PDE1C: variants seen among roughly 807,000 people sequenced by gnomAD.
PDE1C encodes dual specificity calcium/calmodulin-dependent 3',5'-cyclic nucleotide phosphodiesterase 1C.
In PDE1C, 62 loss-of-function variants were observed where a neutral mutation model predicts 93.1. The observed-to-expected ratio is 0.67, with a 90% CI of 0.54 to 0.82. PDE1C has a LOEUF of 0.82. PDE1C is among the 40% of genes least tolerant of loss of function. PDE1C has a pLI of 0.00. For missense variants in PDE1C, 742 were observed against 884.6 expected (o/e 0.84, Z 2.04); for synonymous variants, 325 against 310.1 (o/e 1.05, Z -0.50).
chr7:31,678,544 C>A, the PDE1C span, among the ~76,000 whole-genome samples: 3 of 152,040 alleles, frequency 2.0e-5, no homozygotes, highest in Non-Finnish European at 2.9e-5. Flanking sequence ...AAGGATGAGA[C>A]AAAGGAAAGG....
chr7:32,142,347 G>A (rs983761826), intron 3 of PDE1C, among the ~76,000 whole-genome samples: 6 of 152,034 alleles, frequency 3.9e-5, no homozygotes, highest in Admixed American at 2.0e-4. Flanking sequence ...AGTGCAGTGC[G>A]GCCTGTGCAC....
chr7:31,662,554 T>C, the PDE1C span, among the ~76,000 whole-genome samples: 32 of 151,420 alleles, frequency 2.1e-4, no homozygotes, highest in African/African-American at 7.3e-4. Context: ...GTCTGTGTTG[T>C]ATAAGTGTAT....
chr7:31,658,232 G>A, the PDE1C span: 126 of 1,462,846 alleles, frequency 8.6e-5, no homozygotes, highest in Non-Finnish European at 1.1e-4. Flanking sequence ...GAAAAATGTT[G>A]CATTAGGTTT....
At chr7:31,970,397 G>A (rs564022421) in intron 2 of PDE1C, among the ~76,000 whole-genome samples, 2 of 152,286 alleles carry the variant, frequency 1.3e-5, no homozygotes, top group African/African-American at 2.4e-5. Context: ...AGTCTCGGGC[G>A]GAGGGAGGAA....
chr7:31,949,390 G>A (rs1433003516), intron 2 of PDE1C, among the ~76,000 whole-genome samples: 2 of 152,146 alleles, frequency 1.3e-5, no homozygotes, highest in South Asian at 2.1e-4. Context: ...AACCTGGGAG[G>A]TGAAGGTTGC....
chr7:32,003,089 G>A (rs1346544664), intron 2 of PDE1C, among the ~76,000 whole-genome samples: 1 of 152,168 alleles, frequency 6.6e-6, no homozygotes, highest in Non-Finnish European at 1.5e-5. Flanking sequence ...GTTTAAGCCT[G>A]CACATTTGAG....
the PDE1C span, among the ~76,000 whole-genome samples, chr7:31,618,637 G>T: frequency 2.0e-5 from 3 of 152,158 alleles, no homozygotes; most frequent in Non-Finnish European, 4.4e-5. Context: ...CATTAATGGG[G>T]TCACAATGTA....
At position 32,001,920 on chromosome 7, in the gene PDE1C, G is replaced by A. The variant is rs184500407; in HGVS notation, c.128+49634C>T. ...ACTAAAATACAAAAATTAGCTGAGC[G>A]TTGTGGCAGGTTCCTGTAATCCCAG... is the stretch of plus-strand genomic sequence containing the variant. On this transcript the variant is annotated intron_variant, in intron 2 of 17. Coordinates refer to ENST00000396191, the MANE Select transcript of PDE1C (RefSeq NM_001191057.4). 3.5e-4 allele frequency among the ~76,000 whole-genome samples: 54 copies of A among 152,220 alleles called. 1 individual carries two copies. Among genetic ancestry groups the A allele is most frequent in the African/African-American group, 1.2e-3 (49 of 41,542 alleles).
intron 3 of PDE1C, among the ~76,000 whole-genome samples, chr7:32,150,626 G>C (rs574819382): frequency 6.6e-6 from 1 of 152,310 alleles, no homozygotes; most frequent in South Asian, 2.1e-4. Context: ...TCAAAATCCA[G>C]CTCCACCACT....
chr7:31,919,816 C>T (rs1029892496), intron 2 of PDE1C, among the ~76,000 whole-genome samples: 5 of 152,178 alleles, frequency 3.3e-5, no homozygotes, highest in African/African-American at 7.2e-5. Context: ...AGTGTTGAAA[C>T]CCCAGGTTGC....
chr7:32,168,841 C>T (rs1802467279), intron 3 of PDE1C, among the ~76,000 whole-genome samples: 1 of 152,180 alleles, frequency 6.6e-6, no homozygotes, highest in Non-Finnish European at 1.5e-5. Context: ...TGAGCAATTA[C>T]ACATATCACC....
the PDE1C span, among the ~76,000 whole-genome samples, chr7:31,627,674 A>AAAAAAAAAAAAAAAAAAC: frequency 6.6e-6 from 1 of 151,496 alleles, no homozygotes; most frequent in Non-Finnish European, 1.5e-5. Flanking sequence ...AAAAAAAAAA[A>AAAAAAAAAAAAAAAAAAC]AAAAAAAAAT....
At chr7:31,773,712 AT>A (rs1387107180) in intron 17 of PDE1C, among the ~76,000 whole-genome samples, 2 of 152,180 alleles carry the variant, frequency 1.3e-5, no homozygotes, top group African/African-American at 4.8e-5. Context: ...CGTAAACTAA[AT>A]GGGAGGCTGC....
At chr7:32,170,146 A>G (rs1168703486) in intron 2 of PDE1C, among the ~76,000 whole-genome samples, 2 of 152,188 alleles carry the variant, frequency 1.3e-5, no homozygotes, top group African/African-American at 4.8e-5. Context: ...TACCACTCTG[A>G]GTATTTTGAC....
chr7:31,966,146 T>C (rs1809920417), intron 2 of PDE1C, among the ~76,000 whole-genome samples: 1 of 152,120 alleles, frequency 6.6e-6, no homozygotes, highest in Non-Finnish European at 1.5e-5. Context: ...ATATTCCAAT[T>C]AAAAGGCACA....
intron 1 of PDE1C, among the ~76,000 whole-genome samples, chr7:32,321,932 A>G (rs1178005663): frequency 1.3e-5 from 2 of 152,202 alleles, no homozygotes; most frequent in African/African-American, 4.8e-5. Context: ...TTAGCATGTA[A>G]TAAGTACATT....
At chr7:31,932,875 C>T (rs1804512659) in intron 2 of PDE1C, among the ~76,000 whole-genome samples, 1 of 152,120 alleles carries the variant, frequency 6.6e-6, no homozygotes, top group South Asian at 2.1e-4. Flanking sequence ...CCATGGAATA[C>T]TATGCAGCCA....
chr7:31,776,799 G>C (rs1269868308), intron 16 of PDE1C, among the ~76,000 whole-genome samples: 5 of 152,060 alleles, frequency 3.3e-5, no homozygotes, highest in South Asian at 2.1e-4. Context: ...GAAATGCAGA[G>C]AGAATTCCTC....
intron 2 of PDE1C, among the ~76,000 whole-genome samples, chr7:32,029,721 GT>G (rs1790025487): frequency 2.0e-5 from 3 of 151,986 alleles, no homozygotes; most frequent in Admixed American, 1.3e-4. Flanking sequence ...TGCAACCTAG[GT>G]TTAAAAAATT....
Sources: allele counts gnomAD v4.1 joint callset (sites outside exome capture counted in the v4.1 genomes callset), GRCh38; gene constraint gnomAD v4.1.1; transcripts MANE v1.5; gene names NCBI Gene and HGNC (gene_info 2026-07-23, HGNC 2026-07-21).